Variants in U2SURP observed in about 807,000 individuals in gnomAD.
The protein encoded by U2SURP is U2 snRNP-associated SURP motif-containing protein.
Under a neutral mutation model 144.9 loss-of-function variants are expected in U2SURP, and 9 were observed. The observed-to-expected ratio is 0.06, with a 90% CI of 0.04 to 0.11. The LOEUF (loss-of-function observed/expected upper bound fraction) is 0.11, where lower values mean the gene tolerates loss of function less well. Among genes scored for constraint, U2SURP ranks in the 10% least tolerant of loss-of-function variants. U2SURP has a pLI of 1.00. For missense variants in U2SURP, 724 were observed against 1,226.7 expected, an observed-to-expected ratio of 0.59 and a Z score of 6.12; for synonymous variants, 408 against 396.8, an observed-to-expected ratio of 1.03 and a Z score of -0.33.
At chr3:143,053,530 G>A in intron 25 of U2SURP, 146 bp from the exon 26 acceptor site, 1 of 502,546 alleles carries the variant, frequency 2.0e-6, no homozygotes. Context: ...TCCCTGAAGG[G>A]GTAGATTTTT....
chr3:143,045,748 C>T lies in U2SURP; in HGVS notation c.2544+2472C>T, dbSNP rs199544641. 1.1e-4 allele frequency among the ~76,000 whole-genome samples: 17 copies of T among 152,344 alleles called. No individual in the cohort carries two copies. The East Asian group carries it at 3.3e-3, about 29-fold the overall frequency. On this transcript the variant is annotated intron_variant, in intron 24 of 27. Coordinates refer to ENST00000473835, the MANE Select transcript of U2SURP (RefSeq NM_001080415.2). ...TCTCCTGCTTTCATAGTGACTGCCT[C>T]TCACAACTTAGTTGTCTTTCTGGGA... is the stretch of plus-strand genomic sequence containing the variant.
chr3:143,053,844 G>A (rs1487170038), intron 26 of U2SURP, 50 bp downstream of exon 26: 3 of 1,419,230 alleles, frequency 2.1e-6, no homozygotes, highest in Non-Finnish European at 2.8e-6. Flanking sequence ...AAGATTTGCA[G>A]TGGTGTTTTA....
At chr3:143,053,877 C>T (rs746321616) in intron 26 of U2SURP, 83 bp downstream of exon 26, 30 of 1,129,392 alleles carry the variant, frequency 2.7e-5, no homozygotes, top group Admixed American at 1.2e-4. Flanking sequence ...CATTGATGCC[C>T]GCAAACTGGA....
rs1336727775 is a variant in U2SURP, at chr3:143,057,117, G to A, written c.*667G>A. The A allele has an allele frequency of 6.6e-6, 1 of 152,422 alleles. No homozygotes were observed. Among genetic ancestry groups the A allele is most frequent in the African/African-American group, 2.4e-5 (1 of 41,434 alleles). The allele number at this position is 152,422 out of a possible 1,614,324, so 9.4% of individuals were successfully genotyped here. Reference sequence around the variant, plus strand: ...GTAGATATGGCATGGCGTTTTGTTAGTGGAATGCCTGGCTAAAACATTTTT... The same window carrying A: ...GTAGATATGGCATGGCGTTTTGTTAATGGAATGCCTGGCTAAAACATTTTT... On this transcript the variant is annotated 3_prime_UTR_variant, in exon 28 of 28. Transcript: ENST00000473835.
At position 143,001,661 on chromosome 3, in the gene U2SURP, G is replaced by T. The variant is rs1162972007; in HGVS notation, c.33G>T (p.Lys11Asn). The T allele has an allele frequency of 6.2e-7, 1 of 1,613,992 alleles. No individual in the cohort carries two copies. The highest frequency in any genetic ancestry group is 8.5e-7 in the Non-Finnish European group (1 of 1,179,884). Residue 11 changes from lysine (K) to asparagine (N), a missense_variant, in exon 1 of 28, where the codon AAG (lysine) becomes AAT (asparagine). Physicochemically the swap from Lys to Asn is moderately conservative, Grantham distance 94. Around this residue, in one of 13 missense-constraint regions of U2SURP, gnomAD observed 127 missense variants for 98.2 expected, o/e 1.29. Coordinates refer to ENST00000473835, the MANE Select transcript of U2SURP (RefSeq NM_001080415.2). Reference sequence around the variant, plus strand: ...ACAAAACGCCAGGCGGATCTCAGAAGGCCAGTTCAAAGGTAATTTCTGACA... The same window carrying T: ...ACAAAACGCCAGGCGGATCTCAGAATGCCAGTTCAAAGGTAATTTCTGACA... MADKTPGGSQ[K>N]ASSKTRSSDV... is the part of the protein sequence containing the mutation.
intron 1 of U2SURP, among the ~76,000 whole-genome samples, chr3:143,004,700 A>G (rs908317332): frequency 1.3e-5 from 2 of 151,622 alleles, no homozygotes; most frequent in East Asian, 3.9e-4. Flanking sequence ...CTTTATTCAT[A>G]ATTGTCCCTA....
intron 23 of U2SURP, among the ~76,000 whole-genome samples, chr3:143,042,462 A>T (rs1456434058): frequency 2.0e-5 from 3 of 151,714 alleles, no homozygotes; most frequent in Non-Finnish European, 2.9e-5. Context: ...TTTAATTTTC[A>T]TTTTAAAAGT....
At chr3:143,034,419 A>T (rs1342206119) in intron 18 of U2SURP, 1 of 152,192 alleles carries the variant, frequency 6.6e-6, no homozygotes, top group Non-Finnish European at 1.5e-5. Flanking sequence ...AAAAAAGTAT[A>T]ACTTTTCCTC....
chr3:143,007,474 C>T (rs1456453041), intron 1 of U2SURP, among the ~76,000 whole-genome samples: 2 of 134,834 alleles, frequency 1.5e-5, no homozygotes, highest in Non-Finnish European at 1.5e-5. Context: ...GAGACAGAGT[C>T]TCGCTCTGTC....
chr3:143,025,904 C>G (rs1933118254), intron 13 of U2SURP: 2 of 151,934 alleles, frequency 1.3e-5, no homozygotes, highest in Admixed American at 6.6e-5. Flanking sequence ...TGTTCATGTA[C>G]TCTGAAATAG....
At chr3:143,053,150 G>A (rs991374990) in intron 25 of U2SURP, among the ~76,000 whole-genome samples, 2 of 152,000 alleles carry the variant, frequency 1.3e-5, no homozygotes, top group African/African-American at 4.8e-5. Context: ...TATAGTTAGA[G>A]GGATCACTTT....
chr3:143,051,236 G>GGCA (rs1430969062), intron 25 of U2SURP, among the ~76,000 whole-genome samples, 187 bp downstream of exon 25: 1 of 152,158 alleles, frequency 6.6e-6, no homozygotes, highest in Admixed American at 6.5e-5. Flanking sequence ...GGAGCTTAAA[G>GGCA]GCAGCAGCAC....
Position 143,005,266 on chromosome 3 carries a change from C to T in U2SURP, c.45+3593C>T, listed in dbSNP as rs560787581. ...TTGCTTTGGGAACTGTTTTGATTGA[C>T]TGCCTTTGCTGATTAACAAAAAGTA... On this transcript the variant is annotated intron_variant, in intron 1 of 27. Coordinates refer to ENST00000473835, the MANE Select transcript of U2SURP (RefSeq NM_001080415.2). Among the ~76,000 whole-genome samples the T allele has an allele frequency of 6.6e-5, 10 of 151,748 alleles. No homozygotes were observed. In the South Asian group the frequency reaches 2.1e-3, roughly 32 times the overall value.
In U2SURP at chr3:143,019,970, C is replaced by T; in HGVS notation, c.572C>T (p.Pro191Leu). The T allele has an allele frequency of 1.3e-6, 2 of 1,500,602 alleles. No homozygotes were observed. The highest frequency in any genetic ancestry group is 1.8e-6 in the Non-Finnish European group (2 of 1,115,572). 93.0% of individuals were successfully genotyped at this position (1,500,602 alleles called of 1,614,324 possible). A position where few individuals can be genotyped will look rare whatever the true frequency, so the allele number is the denominator to read the frequency against. Reference protein sequence around the residue: ...SLLVIETKKPPLKKGEKEKKK... With the variant: ...SLLVIETKKPLLKKGEKEKKK... Reference sequence around the variant, plus strand: ...TATAACTTGTCATATCCTTTATAGCCACTTAAAAAAGGAGAGAAAGAAAAG... The same window carrying T: ...TATAACTTGTCATATCCTTTATAGCTACTTAAAAAAGGAGAGAAAGAAAAG... Residue 191 changes from proline (P) to leucine (L), a missense_variant and splice_region_variant, in exon 7 of 28, where the codon CCA (proline) becomes CTA (leucine). By Grantham distance (98) the Pro-to-Leu change is moderately conservative. Around this residue, in one of 13 missense-constraint regions of U2SURP, gnomAD observed 115 missense variants for 258.1 expected, o/e 0.45. Coordinates refer to ENST00000473835, the MANE Select transcript of U2SURP (RefSeq NM_001080415.2).
At chr3:143,046,684 G>A (rs1332831479) in intron 24 of U2SURP, among the ~76,000 whole-genome samples, 16 of 109,364 alleles carry the variant, frequency 1.5e-4, no homozygotes, top group African/African-American at 6.7e-4. Flanking sequence ...ATTTTTCTTA[G>A]TACAGAACAA....
At chr3:143,047,523 C>A (rs1240811818) in intron 24 of U2SURP, among the ~76,000 whole-genome samples, 1 of 34,184 alleles carries the variant, frequency 2.9e-5, no homozygotes, top group Non-Finnish European at 5.4e-5. Flanking sequence ...TAGGGGCGGC[C>A]GGGCAGAGGA....
chr3:143,003,688 T>C (rs1217206844), intron 1 of U2SURP, among the ~76,000 whole-genome samples: 4 of 142,544 alleles, frequency 2.8e-5, no homozygotes, highest in African/African-American at 5.1e-5. Context: ...TTTTTTTTTT[T>C]TTTTTTTTTT....
intron 24 of U2SURP, among the ~76,000 whole-genome samples, chr3:143,049,643 G>A (rs1934743889): frequency 6.6e-6 from 1 of 152,092 alleles, no homozygotes; most frequent in African/African-American, 2.4e-5. Context: ...CAAGAAGAAG[G>A]TATTTTCACC....
In U2SURP at chr3:143,025,075, TGAC is replaced by T. The variant is rs1345222520; in HGVS notation, c.1274+1058_1274+1060del. Among the ~76,000 whole-genome samples, 8 of 152,204 alleles carry T rather than the reference TGAC, an allele frequency of 5.3e-5. No individual in the cohort carries two copies. The East Asian group carries it at 5.8e-4, about 11-fold the overall frequency. Reference sequence around the variant, plus strand: ...TGTGATTACAGTTCTTTAGTAATCTTGACATCAAGTTAATAACAATTAATTGTC... The same window carrying T: ...TGTGATTACAGTTCTTTAGTAATCTTATCAAGTTAATAACAATTAATTGTC... On this transcript the variant is annotated intron_variant, in intron 13 of 27. Transcript: ENST00000473835.
Sources: gnomAD v4.1 joint callset for allele counts (sites outside exome capture counted in the v4.1 genomes callset) on GRCh38, gnomAD v4.1.1 for gene constraint, gnomAD v4.1.1 regional missense constraint, MANE v1.5 for transcripts, NCBI Gene and HGNC (gene_info 2026-07-23, HGNC 2026-07-21) for gene names.